The following PCDHA7 variants were observed in gnomAD, a reference collection of about 807,000 sequenced individuals.
PCDHA7 encodes the protein protocadherin alpha-7.
A neutral mutation model predicts 57.2 loss-of-function variants in PCDHA7; 37 were observed. That is an observed-to-expected ratio of 0.65 (90% confidence interval 0.50 to 0.85). PCDHA7 has a LOEUF of 0.85. Among genes scored for constraint, PCDHA7 ranks in the 40% least tolerant of loss-of-function variants. The probability of loss-of-function intolerance (pLI) is 0.00; values close to 1 mark genes in which losing one functional copy is unlikely to be tolerated. For missense variants in PCDHA7, 1,188 were observed against 1,241.8 expected, an observed-to-expected ratio of 0.96 and a Z score of 0.65; for synonymous variants, 553 against 558.8, an observed-to-expected ratio of 0.99 and a Z score of 0.15.
Position 140,967,117 on chromosome 5 carries a change from C to T in PCDHA7, c.2356-11832C>T, listed in dbSNP as rs370329233. 7.4e-6 allele frequency: 12 copies of T among 1,612,904 alleles called. No individual in the cohort carries two copies. The East Asian group carries it at 1.6e-4, about 21-fold the overall frequency. On this transcript the variant is annotated intron_variant, in intron 1 of 3. Coordinates refer to ENST00000525929, the MANE Select transcript of PCDHA7 (RefSeq NM_018910.3). ...CGCTGTGTGAGCAGCGGCCTCGCTG[C>T]CTGCTCAGCTTGGAAGTGCTGGCGC...
intron 1 of PCDHA7, chr5:140,849,852 C>G: frequency 3.8e-6 from 6 of 1,598,608 alleles, no homozygotes; most frequent in Non-Finnish European, 5.1e-6. Flanking sequence ...CGACAACGCA[C>G]CAGCGTTCGC....
intron 1 of PCDHA7, among the ~76,000 whole-genome samples, chr5:140,838,872 G>A (rs2150293178): frequency 6.6e-6 from 1 of 152,012 alleles, no homozygotes; most frequent in Non-Finnish European, 1.5e-5. Flanking sequence ...CAGTTATCAT[G>A]CCACTGAACT....
At chr5:140,966,709 G>A (rs1447935100) in intron 1 of PCDHA7, 4 of 1,387,174 alleles carry the variant, frequency 2.9e-6, no homozygotes, top group Non-Finnish European at 2.8e-6. Flanking sequence ...CGTGGGGCAC[G>A]GCTGGGGAAG....
intron 1 of PCDHA7, among the ~76,000 whole-genome samples, chr5:140,918,027 G>A (rs782291548): frequency 8.5e-5 from 13 of 152,226 alleles, no homozygotes; most frequent in African/African-American, 1.9e-4. Context: ...ACCCATGAGC[G>A]TGGAAGGTCT....
At chr5:140,838,754 T>A in intron 1 of PCDHA7, among the ~76,000 whole-genome samples, 1 of 151,892 alleles carries the variant, frequency 6.6e-6, no homozygotes, top group East Asian at 1.9e-4. Flanking sequence ...TGTGCATCTT[T>A]TGTAGAGACT....
chr5:140,945,709 G>C (rs1033770128), intron 1 of PCDHA7, among the ~76,000 whole-genome samples: 4 of 151,930 alleles, frequency 2.6e-5, no homozygotes, highest in Admixed American at 1.3e-4. Flanking sequence ...TGCAACAAAA[G>C]TATCAAGAAT....
At chr5:140,882,551 C>A in intron 1 of PCDHA7, 1 of 1,614,216 alleles carries the variant, frequency 6.2e-7, no homozygotes, top group Non-Finnish European at 8.5e-7. Flanking sequence ...CCGCGAGGAG[C>A]TGTGTGGGCG....
At chr5:140,955,929 C>T (rs567378851) in intron 1 of PCDHA7, among the ~76,000 whole-genome samples, 1 of 152,252 alleles carries the variant, frequency 6.6e-6, no homozygotes, top group East Asian at 1.9e-4. Flanking sequence ...GGAGTTCATT[C>T]ATAATATGGC....
chr5:140,871,176 G>A (rs782559553), intron 1 of PCDHA7: 12 of 1,613,416 alleles, frequency 7.4e-6, no homozygotes, highest in Non-Finnish European at 1.0e-5. Flanking sequence ...CAGAGGCTGC[G>A]CTGGTGGATG....
At chr5:140,926,788 G>A in intron 1 of PCDHA7, 26 of 1,427,398 alleles carry the variant, frequency 1.8e-5, no homozygotes, top group Non-Finnish European at 2.4e-5. Flanking sequence ...ACGGCCGGCA[G>A]GAGCGTGCTC....
chr5:140,884,229 A>T (rs2060058344), intron 1 of PCDHA7: 2 of 1,613,258 alleles, frequency 1.2e-6, no homozygotes. Flanking sequence ...GTGAAGGACC[A>T]CGGTGAGCCC....
rs2150469634 is a variant in PCDHA7, at chr5:140,850,145, G to A, written c.2355+13407G>A. 7 of 1,595,444 alleles carry A rather than the reference G, an allele frequency of 4.4e-6. No individual in the cohort carries two copies. The African/African-American group carries it at 5.4e-5, about 12-fold the overall frequency. ...TGCCGCCTCTGGGCAGCAACGTGACGCTGCAGGTGTTCGTGCTGGACGAGA... is the reference window on the plus strand; with the variant it reads ...TGCCGCCTCTGGGCAGCAACGTGACACTGCAGGTGTTCGTGCTGGACGAGA... On this transcript the variant is annotated intron_variant, in intron 1 of 3. Coordinates refer to ENST00000525929, the MANE Select transcript of PCDHA7 (RefSeq NM_018910.3).
chr5:140,883,369 C>A (rs781885590), intron 1 of PCDHA7: 4 of 1,614,064 alleles, frequency 2.5e-6, no homozygotes, highest in Non-Finnish European at 1.7e-6. Context: ...AGCCTAGCGC[C>A]ATTATTGCCC....
chr5:140,968,608 T>A, intron 1 of PCDHA7: 1 of 1,614,242 alleles, frequency 6.2e-7, no homozygotes, highest in Non-Finnish European at 8.5e-7. Flanking sequence ...ACTCAGACTC[T>A]GGGCAAAATG....
intron 1 of PCDHA7, chr5:140,864,534 T>A (rs1554158965): frequency 6.6e-6 from 1 of 152,246 alleles, no homozygotes; most frequent in Non-Finnish European, 1.5e-5. Flanking sequence ...TTAATTTTTG[T>A]CTTCAATCTT....
In PCDHA7 at chr5:140,835,137, C is replaced by T; in HGVS notation, c.754C>T (p.Pro252Ser). The T allele has an allele frequency of 2.2e-6, 3 of 1,385,246 alleles. No individual in the cohort carries two copies. Among genetic ancestry groups the T allele is most frequent in the South Asian group, 2.7e-5 (2 of 75,006 alleles). The allele number at this position is 1,385,246 out of a possible 1,614,324, so 85.8% of individuals were successfully genotyped here. A position where few individuals can be genotyped will look rare whatever the true frequency, so the allele number is the denominator to read the frequency against. Residue 252 changes from proline (P) to serine (S), a missense_variant, in exon 1 of 4, where the codon CCA becomes TCA. Pro to Ser is a moderately conservative substitution (Grantham distance 74). Coordinates refer to ENST00000525929, the MANE Select transcript of PCDHA7 (RefSeq NM_018910.3). The stretch of plus-strand genomic sequence containing the variant: ...CAGAACCCTGTATACGGTGAAATTA[C>T]CAGAAAACGTTTCTATCGGAACGCT... ...FDRTLYTVKL[P>S]ENVSIGTLVI... is the part of the protein sequence containing the mutation.
chr5:140,882,451 G>C, intron 1 of PCDHA7: 1 of 1,614,040 alleles, frequency 6.2e-7, no homozygotes. Flanking sequence ...AGCTGGTGCC[G>C]CGCCTGTTCC....
chr5:141,006,368 C>T (rs1395158727), intron 3 of PCDHA7, among the ~76,000 whole-genome samples: 2 of 152,072 alleles, frequency 1.3e-5, no homozygotes, highest in Non-Finnish European at 2.9e-5. Context: ...CCCACCACCA[C>T]GCCCGGCTAA....
chr5:140,901,839 A>T (rs578262204), intron 1 of PCDHA7, among the ~76,000 whole-genome samples: 1 of 152,108 alleles, frequency 6.6e-6, no homozygotes, highest in Non-Finnish European at 1.5e-5. Flanking sequence ...TAAACATGCA[A>T]TATCTTTCCA....
Sources: gnomAD v4.1 joint callset for allele counts (sites outside exome capture counted in the v4.1 genomes callset) on GRCh38, gnomAD v4.1.1 for gene constraint, MANE v1.5 for transcripts, NCBI Gene and HGNC (gene_info 2026-07-23, HGNC 2026-07-21) for gene names.